Variants in GRIP1 observed in about 807,000 individuals in gnomAD.
GRIP1 encodes the protein glutamate receptor interacting protein 1.
In GRIP1, 45 loss-of-function variants were observed where a neutral mutation model predicts 129.9. That is an observed-to-expected ratio of 0.35 (90% CI 0.27 to 0.44). The LOEUF is 0.44. Ranked by LOEUF, GRIP1 falls within the 20% of genes least tolerant of loss-of-function variation. The pLI is 1.00. For missense variants in GRIP1, 1,196 were observed against 1,396.8 expected (o/e 0.86, Z 2.29); for synonymous variants, 530 against 520.8 (o/e 1.02, Z -0.24).
intron 1 of GRIP1, among the ~76,000 whole-genome samples, chr12:66,619,265 T>A (rs2065168970): frequency 6.6e-6 from 1 of 151,978 alleles, no homozygotes; most frequent in Non-Finnish European, 1.5e-5. Flanking sequence ...TAAAACAGAG[T>A]ACAAAGCCTA....
At chr12:66,531,249 AAAAATAT>A (rs2061441481) in intron 4 of GRIP1, among the ~76,000 whole-genome samples, 1 of 28,294 alleles carries the variant, frequency 3.5e-5, no homozygotes, top group Non-Finnish European at 5.8e-5. Context: ...AAAAAAAAAA[AAAAATAT>A]ATATATATAT....
At chr12:66,356,170 C>G (rs918343268) in intron 23 of GRIP1, among the ~76,000 whole-genome samples, 1 of 152,182 alleles carries the variant, frequency 6.6e-6, no homozygotes, top group Non-Finnish European at 1.5e-5. Flanking sequence ...ATGGGGGATG[C>G]TAGACTTCTT....
chr12:67,033,883 C>T (rs1458281373), intron 1 of GRIP1, among the ~76,000 whole-genome samples: 1 of 152,130 alleles, frequency 6.6e-6, no homozygotes, highest in African/African-American at 2.4e-5. Context: ...TTTGTTGAAT[C>T]TGAAAAGAGT....
chr12:66,872,743 G>C (rs1504318), intron 1 of GRIP1, among the ~76,000 whole-genome samples: 12,449 of 152,060 alleles, frequency 0.082, 569 homozygotes, highest in South Asian at 0.11. Context: ...CAGGCCTTTG[G>C]AGCCGACAAT....
chr12:66,364,287 A>AAAAAAAAAAAAG (rs1565667504), intron 23 of GRIP1, among the ~76,000 whole-genome samples: 5 of 125,914 alleles, frequency 4.0e-5, no homozygotes, highest in Non-Finnish European at 6.3e-5. Context: ...AAAAAAAAAA[A>AAAAAAAAAAAAG]AAAGAAAGAA....
At position 66,860,035 on chromosome 12, in the gene GRIP1, T is replaced by A. The variant is rs190152508; in HGVS notation, c.58+209015A>T. On this transcript the variant is annotated intron_variant, in intron 1 of 1. Transcript: ENST00000643019. ...AGATATAAGTGATCATCACCTTCAG[T>A]CAGGAAGTCACCTTAAGTGCTTAAC... 6.2e-4 allele frequency among the ~76,000 whole-genome samples: 94 copies of A among 152,234 alleles called. 1 individual carries two copies. The highest frequency in any genetic ancestry group is 2.0e-3 in the African/African-American group (84 of 41,564).
chr12:66,713,093 A>G (rs10878497), intron 1 of GRIP1, among the ~76,000 whole-genome samples: 59,988 of 151,812 alleles, frequency 0.4, 12,226 homozygotes, highest in South Asian at 0.52. Context: ...ACAGACCAGC[A>G]GACTATTTTT....
intron 1 of GRIP1, among the ~76,000 whole-genome samples, chr12:66,941,517 T>C (rs1366882981): frequency 2.0e-5 from 3 of 152,210 alleles, no homozygotes; most frequent in Admixed American, 6.5e-5. Flanking sequence ...CTGAGCTACA[T>C]AGCATAAATC....
chr12:66,637,670 G>A (rs772746195), intron 1 of GRIP1, among the ~76,000 whole-genome samples: 3 of 151,806 alleles, frequency 2.0e-5, no homozygotes, highest in South Asian at 2.1e-4. Flanking sequence ...ATCTGAGCCC[G>A]CTGGGAGCCA....
intron 9 of GRIP1, among the ~76,000 whole-genome samples, chr12:66,458,667 G>C (rs540236990): frequency 2.6e-5 from 4 of 152,354 alleles, no homozygotes; most frequent in African/African-American, 9.6e-5. Flanking sequence ...TTACAGGCAT[G>C]AGCCACTGCG....
At position 66,465,278 on chromosome 12, in the gene GRIP1, T is replaced by G. The variant is rs1188905979; in HGVS notation, c.869A>C (p.Asp290Ala). Residue 290 changes from aspartate to alanine, a missense_variant, in exon 8 of 25, where the codon GAC becomes GCC. This residue lies in a region of GRIP1 where 508 missense variants were observed against 587.0 expected (regional missense o/e 0.87). Transcript: ENST00000359742. ...AGGCACTTTCTACAATACTTACCTG[T>G]CTGCAATACTTGCAGATTTGATTTT... is the stretch of plus-strand genomic sequence containing the variant. ...IDKIKSASIADRCGALHVGDH... is the reference protein window; with the variant it reads ...IDKIKSASIAARCGALHVGDH... 6.2e-7 allele frequency: 1 copy of G among 1,613,708 alleles called. No homozygotes were observed.
chr12:67,016,888 G>A (rs2042796564), intron 1 of GRIP1, among the ~76,000 whole-genome samples: 1 of 152,264 alleles, frequency 6.6e-6, no homozygotes. Flanking sequence ...TTGCCTAGAT[G>A]TTCAATCAAA....
At chr12:66,881,955 T>G (rs1592926324) in intron 1 of GRIP1, among the ~76,000 whole-genome samples, 1 of 152,190 alleles carries the variant, frequency 6.6e-6, no homozygotes, top group East Asian at 1.9e-4. Context: ...CTTTCAGTCA[T>G]TCAGAGAGGT....
intron 1 of GRIP1, among the ~76,000 whole-genome samples, chr12:66,738,051 A>G (rs755363610): frequency 5.9e-5 from 9 of 151,894 alleles, no homozygotes; most frequent in Non-Finnish European, 1.3e-4. Flanking sequence ...GGTGCCTGGG[A>G]CCCCCTGGCT....
At position 66,350,246 on chromosome 12, in the gene GRIP1, G is replaced by A. The variant is rs544116837; in HGVS notation, c.3160-1000C>T. Among the ~76,000 whole-genome samples, 51 of 151,922 alleles carry A rather than the reference G, an allele frequency of 3.4e-4. 1 individual carries two copies. The South Asian group carries it at 6.5e-3, about 19-fold the overall frequency. ...GGTGCAGTGGCTCACACCTGTTATC[G>A]CAGTACTTTGGGAGGCTGAGGTGGG... is the stretch of plus-strand genomic sequence containing the variant. On this transcript the variant is annotated intron_variant, in intron 24 of 24. Coordinates refer to ENST00000359742, the MANE Select transcript of GRIP1 (RefSeq NM_001366722.1).
At chr12:66,620,789 C>T (rs558462161) in intron 1 of GRIP1, among the ~76,000 whole-genome samples, 1 of 152,030 alleles carries the variant, frequency 6.6e-6, no homozygotes, top group African/African-American at 2.4e-5. Context: ...ACCCCTCCCC[C>T]CCAGACTTTT....
intron 2 of GRIP1, among the ~76,000 whole-genome samples, chr12:66,572,358 C>A (rs896084200): frequency 1.3e-5 from 2 of 152,098 alleles, no homozygotes; most frequent in African/African-American, 4.8e-5. Flanking sequence ...GGGCCTGGGT[C>A]CCTTTTCCTT....
Position 66,723,247 on chromosome 12 carries a change from C to T in GRIP1, c.-420+80806G>A, listed in dbSNP as rs1296549953. ...CTTTCTCTCTCTCTCTCTCTTCCTT[C>T]CTTCCTTCCTTCCTTCCTTCCTTCC... is the stretch of plus-strand genomic sequence containing the variant. On this transcript the variant is annotated intron_variant, in intron 1 of 4. Transcript: ENST00000538373. Among the ~76,000 whole-genome samples the T allele has an allele frequency of 6.2e-3, 42 of 6,766 alleles. 3 individuals are homozygous for T. The highest frequency in any genetic ancestry group is 0.14 in the Middle Eastern group (2 of 14). The allele number at this position is 6,766 out of a possible 152,430, so 4.4% of individuals were successfully genotyped here.
chr12:66,585,168 T>C (rs1407830132), intron 2 of GRIP1, among the ~76,000 whole-genome samples: 2 of 149,508 alleles, frequency 1.3e-5, no homozygotes, highest in African/African-American at 2.5e-5. Context: ...TAGTTACATA[T>C]GTATACATGT....
Sources: gnomAD v4.1 joint callset for allele counts (sites outside exome capture counted in the v4.1 genomes callset) on GRCh38, gnomAD v4.1.1 for gene constraint, gnomAD v4.1.1 regional missense constraint, MANE v1.5 for transcripts, NCBI Gene and HGNC (gene_info 2026-07-23, HGNC 2026-07-21) for gene names.